ZDHHC17: variants seen among roughly 807,000 people sequenced by gnomAD.
The protein encoded by ZDHHC17 is zDHHC palmitoyltransferase 17.
A neutral mutation model predicts 90.3 loss-of-function variants in ZDHHC17; 40 were observed. The ratio of observed to expected loss-of-function variants is 0.44; its 90% CI spans 0.34 to 0.58. The LOEUF (loss-of-function observed/expected upper bound fraction) is 0.58. Among genes scored for constraint, ZDHHC17 ranks in the 20% least tolerant of loss-of-function variants. The pLI is 0.01. For synonymous variants in ZDHHC17, 235 were observed against 252.4 expected, an observed-to-expected ratio of 0.93 and a Z score of 0.65; for missense variants, 614 against 780.8, an observed-to-expected ratio of 0.79 and a Z score of 2.55.
Position 76,842,087 on chromosome 12 carries a change from C to A in ZDHHC17, c.1247C>A (p.Thr416Lys). 6.3e-7 allele frequency: 1 copy of A among 1,579,736 alleles called. No homozygotes were observed. The highest frequency in any genetic ancestry group is 8.6e-7 in the Non-Finnish European group (1 of 1,165,872). ...TCAGATCCAGGGATTATTAAAGCAA[C>A]AGAAGAGCAAAAGAAAAAGGTAGCA... ...WKSDPGIIKA[T>K]EEQKKKTIVE... Residue 416 changes from threonine to lysine, a missense_variant, in exon 11 of 17, where the codon ACA becomes AAA. By Grantham distance (78) the Thr-to-Lys change is moderately conservative (BLOSUM62 -1). Around this residue, in one of 5 missense-constraint regions of ZDHHC17, gnomAD observed 117 missense variants for 183.6 expected, o/e 0.64. Coordinates refer to ENST00000426126, the MANE Select transcript of ZDHHC17 (RefSeq NM_015336.4).
At chr12:76,782,991 A>C (rs1183146193) in intron 1 of ZDHHC17, among the ~76,000 whole-genome samples, 1 of 152,160 alleles carries the variant, frequency 6.6e-6, no homozygotes. Context: ...ACTTAGCAGA[A>C]TTCTTGCAAA....
intron 5 of ZDHHC17, among the ~76,000 whole-genome samples, chr12:76,811,370 A>G (rs1275929416): frequency 2.8e-4 from 43 of 151,684 alleles, no homozygotes. Context: ...TCTACAATAC[A>G]CATTCACTTT....
Position 76,796,596 on chromosome 12 carries a change from T to C in ZDHHC17, c.94-838T>C, listed in dbSNP as rs144953118. ...CCTATTCAAGCAGATTTACCTTTTA[T>C]CAGCACTGCTGTATTCCTTATTCAT... On this transcript the variant is annotated intron_variant, in intron 1 of 16. Coordinates refer to ENST00000426126, the MANE Select transcript of ZDHHC17 (RefSeq NM_015336.4). Among the ~76,000 whole-genome samples, 10 of 152,292 alleles carry C rather than the reference T, an allele frequency of 6.6e-5. No individual in the cohort carries two copies. The East Asian group carries it at 1.9e-3, about 29-fold the overall frequency.
intron 10 of ZDHHC17, chr12:76,840,316 A>G (rs1179261638): frequency 6.7e-6 from 1 of 150,248 alleles, no homozygotes; most frequent in Non-Finnish European, 1.5e-5. Context: ...CCATATATTC[A>G]TAGAGTGTGC....
At chr12:76,835,931 T>A (rs1047669515) in intron 10 of ZDHHC17, among the ~76,000 whole-genome samples, 2 of 152,046 alleles carry the variant, frequency 1.3e-5, no homozygotes, top group Admixed American at 6.5e-5. Context: ...CCCTTTTTTT[T>A]AACTTTTTGT....
intron 1 of ZDHHC17, among the ~76,000 whole-genome samples, chr12:76,779,905 T>G (rs1201915254): frequency 6.6e-6 from 1 of 152,102 alleles, no homozygotes; most frequent in African/African-American, 2.4e-5. Context: ...GATATCCAAC[T>G]GCTGTGGTAC....
chr12:76,842,165 C>G lies in ZDHHC17; in HGVS notation c.1266+59C>G, dbSNP rs1035671534. 2.3e-5 allele frequency: 34 copies of G among 1,457,080 alleles called. No homozygotes were observed. The Admixed American group carries it at 4.7e-4, about 20-fold the overall frequency. 90.3% of individuals were successfully genotyped at this position (1,457,080 alleles called of 1,614,324 possible). On this transcript the variant is annotated intron_variant, in intron 11 of 16. Transcript: ENST00000426126. Reference sequence around the variant, plus strand: ...ACTGCCAGATTATCAGTATTTACAGCAGACATTAGAGGACAGAGGAATTAA... The same window carrying G: ...ACTGCCAGATTATCAGTATTTACAGGAGACATTAGAGGACAGAGGAATTAA...
chr12:76,850,720 C>A, intron 16 of ZDHHC17, 127 bp from the exon 17 acceptor site: 2 of 1,166,368 alleles, frequency 1.7e-6, no homozygotes, highest in African/African-American at 3.1e-5. Flanking sequence ...GAATTGGTTC[C>A]TTCTTGCAAG....
intron 2 of ZDHHC17, among the ~76,000 whole-genome samples, chr12:76,797,774 C>T (rs543811195): frequency 1.3e-5 from 2 of 152,076 alleles, no homozygotes; most frequent in Non-Finnish European, 2.9e-5. Flanking sequence ...GAAACCCCGT[C>T]TCTACTAAAA....
chr12:76,802,768 T>G (rs1952906793), intron 2 of ZDHHC17, among the ~76,000 whole-genome samples: 3 of 152,248 alleles, frequency 2.0e-5, no homozygotes, highest in African/African-American at 7.2e-5. Context: ...ACGTTTTAGT[T>G]CTAGAATTTC....
At chr12:76,784,639 A>G (rs1204382845) in intron 1 of ZDHHC17, among the ~76,000 whole-genome samples, 4 of 152,222 alleles carry the variant, frequency 2.6e-5, no homozygotes, top group Non-Finnish European at 5.9e-5. Flanking sequence ...AGCTTATACA[A>G]TTCTGACTGA....
intron 10 of ZDHHC17, among the ~76,000 whole-genome samples, chr12:76,841,636 T>C (rs1953436775): frequency 6.6e-6 from 1 of 152,160 alleles, no homozygotes; most frequent in South Asian, 2.1e-4. Flanking sequence ...GAGTATGATA[T>C]CTGTAATATT....
intron 1 of ZDHHC17, among the ~76,000 whole-genome samples, chr12:76,778,059 C>T (rs1452592108): frequency 1.3e-5 from 2 of 152,132 alleles, no homozygotes; most frequent in African/African-American, 4.8e-5. Flanking sequence ...TAGTTTAAAG[C>T]AAACACTCCT....
intron 8 of ZDHHC17, among the ~76,000 whole-genome samples, chr12:76,824,561 A>T (rs201789193): frequency 4.1e-5 from 1 of 24,554 alleles, no homozygotes; most frequent in African/African-American, 1.4e-4. Context: ...TAAAACTAAA[A>T]AAGAAAGTAG....
At chr12:76,774,452 T>C (rs1160482209) in intron 1 of ZDHHC17, among the ~76,000 whole-genome samples, 1 of 152,170 alleles carries the variant, frequency 6.6e-6, no homozygotes, top group Non-Finnish European at 1.5e-5. Context: ...ATTAAATCTG[T>C]GGCAGAGCTG....
rs370007270 is a variant in ZDHHC17 at position 76,830,576 on chromosome 12, A to G, written c.1141+2086A>G. On this transcript the variant is annotated intron_variant, in intron 10 of 16. Coordinates refer to ENST00000426126, the MANE Select transcript of ZDHHC17 (RefSeq NM_015336.4). Reference sequence around the variant, plus strand: ...TTAAGCATTAGAATTGCCATATTGGAACACTTAGTATGAGTAAAACAGATC... The same window carrying G: ...TTAAGCATTAGAATTGCCATATTGGGACACTTAGTATGAGTAAAACAGATC... 6.8e-4 allele frequency among the ~76,000 whole-genome samples: 103 copies of G among 152,342 alleles called. 2 individuals carry two copies. Among genetic ancestry groups the G allele is most frequent in the African/African-American group, 2.2e-3 (90 of 41,596 alleles).
At chr12:76,826,504 G>A (rs111566247) in intron 8 of ZDHHC17, among the ~76,000 whole-genome samples, 8 of 152,130 alleles carry the variant, frequency 5.3e-5, no homozygotes, top group African/African-American at 1.7e-4. Context: ...GCATCTTCAG[G>A]TTTCCTTATG....
At chr12:76,849,258 AC>A in intron 15 of ZDHHC17, 117 bp from the exon 16 acceptor site, 1 of 532,170 alleles carries the variant, frequency 1.9e-6, no homozygotes, top group Non-Finnish European at 3.2e-6. Flanking sequence ...ACTTGAGCCC[AC>A]CCAAGAGGGA....
chr12:76,792,560 C>G (rs575709308), intron 1 of ZDHHC17, among the ~76,000 whole-genome samples: 1 of 152,174 alleles, frequency 6.6e-6, no homozygotes, highest in African/African-American at 2.4e-5. Flanking sequence ...TCTTCCCATT[C>G]CTGTCTACTA....
Sources: allele counts gnomAD v4.1 joint callset (sites outside exome capture counted in the v4.1 genomes callset), GRCh38; gene constraint gnomAD v4.1.1; regional missense constraint gnomAD v4.1.1; transcripts MANE v1.5; gene names NCBI Gene and HGNC (gene_info 2026-07-23, HGNC 2026-07-21).